Variants in UGDH observed in about 807,000 individuals in gnomAD.
UGDH encodes the protein UDP-Glc dehydrogenase.
Under a neutral mutation model 50.6 loss-of-function variants are expected in UGDH, and 38 were observed. That is an observed-to-expected ratio of 0.75 (90% CI 0.58 to 0.98). The LOEUF is 0.98. UGDH is among the 50% of genes least tolerant of loss of function. The pLI is 0.00. For missense variants in UGDH, 465 were observed against 606.2 expected (o/e 0.77, Z 2.45); for synonymous variants, 168 against 199.9 (o/e 0.84, Z 1.35).
At chr4:39,508,390 T>C (rs1746108530) in intron 7 of UGDH, among the ~76,000 whole-genome samples, 176 bp downstream of exon 7, 1 of 152,170 alleles carries the variant, frequency 6.6e-6, no homozygotes, top group African/African-American at 2.4e-5. Flanking sequence ...TGCAACACCA[T>C]GCCTGGCTAA....
chr4:39,507,778 T>C (rs1430545420), intron 7 of UGDH, among the ~76,000 whole-genome samples: 3 of 151,944 alleles, frequency 2.0e-5, no homozygotes, highest in Non-Finnish European at 4.4e-5. Flanking sequence ...TGAGACCTTG[T>C]CTCTACAAAC....
intron 1 of UGDH, among the ~76,000 whole-genome samples, chr4:39,521,827 C>T (rs1241529968): frequency 6.6e-6 from 1 of 152,176 alleles, no homozygotes; most frequent in Non-Finnish European, 1.5e-5. Flanking sequence ...CAAAGTAAAA[C>T]CTTCCTTAGG....
chr4:39,518,139 A>C (rs890781673), intron 2 of UGDH, among the ~76,000 whole-genome samples: 3 of 151,810 alleles, frequency 2.0e-5, no homozygotes, highest in Admixed American at 2.0e-4. Flanking sequence ...CCACGTTGTC[A>C]AGGCTGGTTT....
At chr4:39,515,517 T>A (rs985490998) in intron 2 of UGDH, among the ~76,000 whole-genome samples, 1 of 152,030 alleles carries the variant, frequency 6.6e-6, no homozygotes. Flanking sequence ...AAATCCCAGT[T>A]TAACAGGAGA....
rs1212734829 is a variant in UGDH at position 39,526,909 on chromosome 4, G to C, written c.-8+374C>G. The stretch of plus-strand genomic sequence containing the variant: ...AGCAGACTCTTAAACACAAACAAAA[G>C]ACTACGACTCTGCGGCCAAAATGAG... On this transcript the variant is annotated intron_variant, in intron 1 of 11. Coordinates refer to ENST00000316423, the MANE Select transcript of UGDH (RefSeq NM_003359.4). 25 of 755,608 alleles carry C rather than the reference G, an allele frequency of 3.3e-5. 1 individual carries two copies. Among genetic ancestry groups the C allele is most frequent in the Non-Finnish European group, 4.8e-5 (25 of 525,476 alleles). The allele number at this position is 755,608 out of a possible 1,614,324, so 46.8% of individuals were successfully genotyped here.
In UGDH at chr4:39,514,234, G is replaced by A. The variant is rs762155193; in HGVS notation, c.163-50C>T. 8.3e-6 allele frequency: 11 copies of A among 1,324,884 alleles called. No individual in the cohort carries two copies. In the South Asian group the frequency reaches 1.3e-4, roughly 15 times the overall value. 82.1% of individuals were successfully genotyped at this position (1,324,884 alleles called of 1,614,324 possible). A position where few individuals can be genotyped will look rare whatever the true frequency, so the allele number is the denominator to read the frequency against. On this transcript the variant is annotated intron_variant, in intron 2 of 11. Coordinates refer to ENST00000316423, the MANE Select transcript of UGDH (RefSeq NM_003359.4). ...TGTACATATAGCTTGCCAGTGATATGAGATAACCTAATAGTATAGAATTAC... is the reference window on the plus strand; with the variant it reads ...TGTACATATAGCTTGCCAGTGATATAAGATAACCTAATAGTATAGAATTAC...
Position 39,499,066 on chromosome 4 carries a change from G to A in UGDH, c.*1077C>T, listed in dbSNP as rs974243182. ...TTTAGAATGATGCTATATGTAACTT[G>A]TAAAATATTTAAGTTTTTATACATG... is the stretch of plus-strand genomic sequence containing the variant. On this transcript the variant is annotated 3_prime_UTR_variant, in exon 12 of 12. Coordinates refer to ENST00000316423, the MANE Select transcript of UGDH (RefSeq NM_003359.4). 5 of 151,808 alleles carry A rather than the reference G, an allele frequency of 3.3e-5. No homozygotes were observed. The highest frequency in any genetic ancestry group is 7.4e-5 in the Non-Finnish European group (5 of 67,988). 9.4% of individuals were successfully genotyped at this position (151,808 alleles called of 1,614,324 possible).
At chr4:39,500,280 ACT>A in intron 11 of UGDH, 27 bp from the exon 12 acceptor site, 2 of 1,391,050 alleles carry the variant, frequency 1.4e-6, no homozygotes, top group Non-Finnish European at 2.0e-6. Flanking sequence ...ATTTAAGAGA[ACT>A]ATTAACAATT....
intron 1 of UGDH, among the ~76,000 whole-genome samples, chr4:39,526,076 C>G (rs1349331674): frequency 6.6e-6 from 1 of 152,224 alleles, no homozygotes; most frequent in Non-Finnish European, 1.5e-5. Context: ...CTAGCCCCAG[C>G]TCTCTACAGC....
chr4:39,519,847 A>G (rs1318342811), intron 2 of UGDH, among the ~76,000 whole-genome samples: 2 of 152,064 alleles, frequency 1.3e-5, no homozygotes, highest in Non-Finnish European at 2.9e-5. Context: ...CAATATTTCA[A>G]TCCTAAATCT....
At chr4:39,500,572 G>A (rs1021195858) in intron 11 of UGDH, among the ~76,000 whole-genome samples, 1 of 151,544 alleles carries the variant, frequency 6.6e-6, no homozygotes, top group Admixed American at 6.6e-5. Flanking sequence ...TTTCCAGTGA[G>A]TTCATATTTT....
chr4:39,510,045 A>G (rs756509608), intron 5 of UGDH, 138 bp from the exon 6 acceptor site: 16 of 1,028,256 alleles, frequency 1.6e-5, no homozygotes, highest in Non-Finnish European at 1.9e-5. Context: ...TGAGGAGACA[A>G]TGGATGGGTT....
chr4:39,500,317 T>A, intron 11 of UGDH, 64 bp from the exon 12 acceptor site: 1 of 1,045,930 alleles, frequency 9.6e-7, no homozygotes, highest in Non-Finnish European at 1.4e-6. Context: ...ATTTATAATG[T>A]ACTGAAATGG....
Position 39,504,470 on chromosome 4 carries a change from C to A in UGDH, c.1210G>T (p.Ala404Ser). The change falls in exon 10 of 12, where the codon GCA becomes TCA. Residue 404 changes from alanine (A) to serine (S), a missense_variant. Coordinates refer to ENST00000316423, the MANE Select transcript of UGDH (RefSeq NM_003359.4). ...LVTISKDPYEACDGAHAVVIC... is the reference protein window; with the variant it reads ...LVTISKDPYESCDGAHAVVIC... Reference sequence around the variant, plus strand: ...ACAACAGCATGGGCACCATCACATGCTTCATATGGATCCTTGGAAATGGTC... The same window carrying A: ...ACAACAGCATGGGCACCATCACATGATTCATATGGATCCTTGGAAATGGTC... The A allele has an allele frequency of 6.2e-7, 1 of 1,614,044 alleles. No homozygotes were observed. Among genetic ancestry groups the A allele is most frequent in the Non-Finnish European group, 8.5e-7 (1 of 1,180,018 alleles).
intron 11 of UGDH, among the ~76,000 whole-genome samples, chr4:39,500,649 T>TTCTC (rs558555756): frequency 8.3e-5 from 10 of 119,966 alleles, no homozygotes; most frequent in Admixed American, 4.1e-4. Flanking sequence ...AACAGCATAA[T>TTCTC]TCTCTTTTTT....
In UGDH at chr4:39,500,511, A is replaced by C. The variant is rs552005531; in HGVS notation, c.1375-258T>G. ...CACACCTGACTCCCTCAAAGTAGTC[A>C]ATTATGTGCCACCACTGTCTTTAGA... On this transcript the variant is annotated intron_variant, in intron 11 of 11. Transcript: ENST00000316423. Among the ~76,000 whole-genome samples, 13 of 152,292 alleles carry C rather than the reference A, an allele frequency of 8.5e-5. No homozygotes were observed. The South Asian group carries it at 2.7e-3, about 32-fold the overall frequency.
At chr4:39,500,302 T>A in intron 11 of UGDH, 49 bp from the exon 12 acceptor site, 1 of 1,187,792 alleles carries the variant, frequency 8.4e-7, no homozygotes, top group Non-Finnish European at 1.2e-6. Flanking sequence ...TATATAAGTG[T>A]AAGAATTTAT....
intron 1 of UGDH, among the ~76,000 whole-genome samples, chr4:39,523,317 G>A (rs2109949058): frequency 6.6e-6 from 1 of 152,088 alleles, no homozygotes; most frequent in East Asian, 1.9e-4. Context: ...CTCACAAAGT[G>A]CTAGCATTAC....
At chr4:39,507,942 CAAAAAAAAAAAAA>C (rs34122254) in intron 7 of UGDH, among the ~76,000 whole-genome samples, 1 of 76,578 alleles carries the variant, frequency 1.3e-5, no homozygotes, top group Non-Finnish European at 3.2e-5. Flanking sequence ...GATCTTGTCT[CAAAAAAAAAAAAA>C]AAAAAAAGAG....
Sources: gnomAD v4.1 joint callset for allele counts (sites outside exome capture counted in the v4.1 genomes callset) on GRCh38, gnomAD v4.1.1 for gene constraint, MANE v1.5 for transcripts, NCBI Gene and HGNC (gene_info 2026-07-23, HGNC 2026-07-21) for gene names.